BMPR1A: variants seen among roughly 807,000 people sequenced by gnomAD.
BMPR1A encodes bone morphogenetic protein receptor type 1A, also known as bone morphogenetic protein receptor type-1A.
Under a neutral mutation model 66.0 loss-of-function variants are expected in BMPR1A, and 7 were observed. That is an observed-to-expected ratio of 0.11 (90% CI 0.06 to 0.20). The LOEUF (loss-of-function observed/expected upper bound fraction) is 0.20. Ranked by LOEUF, BMPR1A falls within the 10% of genes least tolerant of loss-of-function variation. BMPR1A has a pLI of 1.00. For synonymous variants in BMPR1A, 200 were observed against 229.7 expected, an observed-to-expected ratio of 0.87 and a Z score of 1.17; for missense variants, 408 against 669.1, an observed-to-expected ratio of 0.61 and a Z score of 4.31.
intron 7 of BMPR1A, among the ~76,000 whole-genome samples, chr10:86,901,629 T>C (rs1843311502): frequency 6.6e-6 from 1 of 152,222 alleles, no homozygotes; most frequent in African/African-American, 2.4e-5. Flanking sequence ...TCCTTGCCTG[T>C]TAGATAAAGA....
intron 2 of BMPR1A, among the ~76,000 whole-genome samples, chr10:86,871,025 A>T (rs1842847929): frequency 6.6e-6 from 1 of 151,664 alleles, no homozygotes. Context: ...CCACTACACT[A>T]TCTCTTATTC....
chr10:86,868,618 T>C (rs551112231), intron 2 of BMPR1A, among the ~76,000 whole-genome samples: 1 of 152,338 alleles, frequency 6.6e-6, no homozygotes, highest in East Asian at 1.9e-4. Context: ...GAGAGTTTTC[T>C]CCTTGCTATT....
chr10:86,904,762 AAGT>A (rs1384672314), intron 7 of BMPR1A, among the ~76,000 whole-genome samples: 1 of 152,184 alleles, frequency 6.6e-6, no homozygotes, highest in East Asian at 1.9e-4. Flanking sequence ...ATGGACACTC[AAGT>A]GAGTGACCTA....
intron 1 of BMPR1A, among the ~76,000 whole-genome samples, chr10:86,767,215 A>C (rs1440404410): frequency 6.6e-6 from 1 of 152,192 alleles, no homozygotes; most frequent in East Asian, 1.9e-4. Context: ...TAAAAAACAA[A>C]AAATTTTAAG....
chr10:86,877,988 T>C (rs1842940823), intron 3 of BMPR1A, among the ~76,000 whole-genome samples: 1 of 152,234 alleles, frequency 6.6e-6, no homozygotes, highest in Non-Finnish European at 1.5e-5. Context: ...ATTTCTCTGA[T>C]AAAGAGTGAA....
chr10:86,901,593 G>A (rs76495566), intron 7 of BMPR1A, among the ~76,000 whole-genome samples: 2,691 of 152,186 alleles, frequency 0.018, 83 homozygotes, highest in African/African-American at 0.062. Context: ...TTCCAACAGT[G>A]TTTACTGTTA....
At chr10:86,829,142 A>G (rs1381260912) in intron 1 of BMPR1A, among the ~76,000 whole-genome samples, 1 of 152,148 alleles carries the variant, frequency 6.6e-6, no homozygotes, top group Non-Finnish European at 1.5e-5. Context: ...TTTTGTTTCT[A>G]GGAAACTAGA....
intron 4 of BMPR1A, among the ~76,000 whole-genome samples, chr10:86,891,232 C>T (rs1299628746): frequency 1.3e-5 from 2 of 152,162 alleles, no homozygotes; most frequent in Admixed American, 6.6e-5. Context: ...AGTTTGCCAG[C>T]AGGGAACTGC....
At chr10:86,785,598 G>A (rs1335318090) in intron 1 of BMPR1A, among the ~76,000 whole-genome samples, 2 of 152,154 alleles carry the variant, frequency 1.3e-5, no homozygotes, top group Non-Finnish European at 2.9e-5. Flanking sequence ...CACTGCGCCC[G>A]GCCGGGTATA....
intron 4 of BMPR1A, 57 bp downstream of exon 4, chr10:86,890,281 C>CTT: frequency 6.3e-7 from 1 of 1,588,564 alleles, no homozygotes; most frequent in Non-Finnish European, 8.6e-7. Context: ...GCATTTAGTG[C>CTT]TATTTTAAGA....
intron 2 of BMPR1A, among the ~76,000 whole-genome samples, chr10:86,865,577 G>T (rs1421955386): frequency 6.6e-6 from 1 of 152,168 alleles, no homozygotes. Context: ...CTGTTTAGTG[G>T]TCTCTTCACA....
chr10:86,909,005 TTGCC>T (rs1233538579), intron 7 of BMPR1A, among the ~76,000 whole-genome samples: 1 of 152,148 alleles, frequency 6.6e-6, no homozygotes, highest in Non-Finnish European at 1.5e-5. Flanking sequence ...TAATGGATCT[TTGCC>T]TGTGCTCTGG....
intron 1 of BMPR1A, among the ~76,000 whole-genome samples, chr10:86,781,561 A>T (rs1010791453): frequency 4.6e-5 from 7 of 152,094 alleles, no homozygotes; most frequent in Non-Finnish European, 8.8e-5. Flanking sequence ...GAAGAATGTC[A>T]TTGGTATTTT....
At chr10:86,799,521 T>G (rs201947201) in intron 1 of BMPR1A, among the ~76,000 whole-genome samples, 1 of 140,842 alleles carries the variant, frequency 7.1e-6, no homozygotes, top group African/African-American at 2.8e-5. Flanking sequence ...TTTTCTTTTC[T>G]TTTCTTTTCT....
chr10:86,778,599 G>T (rs541152607), intron 1 of BMPR1A, among the ~76,000 whole-genome samples: 20 of 152,052 alleles, frequency 1.3e-4, no homozygotes, highest in African/African-American at 2.9e-4. Context: ...TTTTTGTTCG[G>T]AACGTTTGAT....
intron 3 of BMPR1A, among the ~76,000 whole-genome samples, chr10:86,877,846 A>G (rs1160433324): frequency 2.6e-5 from 4 of 152,186 alleles, no homozygotes; most frequent in Non-Finnish European, 4.4e-5. Context: ...TGTTTAGATC[A>G]CACGTAGGCA....
chr10:86,760,244 CTTTCTTTTTTTTTT>C (rs1564675381), intron 1 of BMPR1A, among the ~76,000 whole-genome samples: 1 of 27,824 alleles, frequency 3.6e-5, no homozygotes, highest in Non-Finnish European at 6.5e-5. Flanking sequence ...TTCTTTCTTT[CTTTCTTTTTTTTTT>C]TTTTTTTTTT....
chr10:86,850,738 C>CA (rs1412716498), intron 2 of BMPR1A, among the ~76,000 whole-genome samples: 4 of 152,104 alleles, frequency 2.6e-5, no homozygotes, highest in African/African-American at 9.7e-5. Flanking sequence ...CTCAAGTGAT[C>CA]CTCCTGCCTC....
At chr10:86,790,175 AAAAAAAAAAAAAAAT>A (rs1357745127) in intron 1 of BMPR1A, among the ~76,000 whole-genome samples, 5 of 41,120 alleles carry the variant, frequency 1.2e-4, no homozygotes, top group Non-Finnish European at 2.1e-4. Context: ...AAAAAAAAAA[AAAAAAAAAAAAAAAT>A]ATATATATAT....
Sources: allele counts gnomAD v4.1 joint callset (sites outside exome capture counted in the v4.1 genomes callset), GRCh38; gene constraint gnomAD v4.1.1; transcripts MANE v1.5; gene names NCBI Gene and HGNC (gene_info 2026-07-23, HGNC 2026-07-21).